TLE3: variants seen among roughly 807,000 people sequenced by gnomAD.
TLE3 encodes the protein transducin-like enhancer protein 3.
Under a neutral mutation model 93.0 loss-of-function variants are expected in TLE3, and 14 were observed. The ratio of observed to expected loss-of-function variants is 0.15; its 90% CI spans 0.10 to 0.24. The LOEUF (loss-of-function observed/expected upper bound fraction) is 0.24, where lower values mean the gene tolerates loss of function less well. Among genes scored for constraint, TLE3 ranks in the 10% least tolerant of loss-of-function variants. The pLI, the probability that TLE3 is intolerant of heterozygous loss-of-function variation, is 1.00. For synonymous variants in TLE3, 451 were observed against 425.0 expected, an observed-to-expected ratio of 1.06 and a Z score of -0.75; for missense variants, 693 against 1,046.6, an observed-to-expected ratio of 0.66 and a Z score of 4.66.
intron 7 of TLE3, among the ~76,000 whole-genome samples, chr15:70,065,595 C>G (rs2056763942): frequency 6.6e-6 from 1 of 152,212 alleles, no homozygotes; most frequent in African/African-American, 2.4e-5. Context: ...AAGACATTTT[C>G]CAGGGGTAGG....
intron 3 of TLE3, 40 bp from the exon 4 acceptor site, chr15:70,094,616 A>G: frequency 1.4e-6 from 2 of 1,422,028 alleles, no homozygotes; most frequent in Non-Finnish European, 1.9e-6. Context: ...ACAACACAGA[A>G]ATCTGGTCAT....
intron 6 of TLE3, among the ~76,000 whole-genome samples, chr15:70,073,853 C>A (rs1010641713): frequency 2.6e-5 from 4 of 152,212 alleles, no homozygotes; most frequent in African/African-American, 9.6e-5. Context: ...AAGATACAAG[C>A]CAGGTAGACC....
At position 70,096,237 on chromosome 15, in the gene TLE3, C is replaced by T; in HGVS notation, c.49G>A (p.Gly17Arg). ...GACTCAGCCACCGTGAATTTAAATC[C>T]CGGCTGCCCGGGTTGATGGGGAGCC... Reference protein sequence around the residue: ...HPAPHQPGQPGFKFTVAESCD... With the variant: ...HPAPHQPGQPRFKFTVAESCD... The change falls in exon 2 of 20, where the codon GGA (glycine) becomes AGA (arginine). Residue 17 changes from glycine to arginine, a missense_variant. Gly to Arg is a moderately radical substitution (Grantham distance 125). Around this residue, in one of 4 missense-constraint regions of TLE3, gnomAD observed 31 missense variants for 24.0 expected, o/e 1.29. Coordinates refer to ENST00000451782, the MANE Select transcript of TLE3 (RefSeq NM_001105192.3). The T allele has an allele frequency of 6.4e-7, 1 of 1,555,966 alleles. No individual in the cohort carries two copies. Among genetic ancestry groups the T allele is most frequent in the East Asian group, 2.4e-5 (1 of 41,312 alleles).
At chr15:70,094,903 C>T (rs1247013793) in intron 3 of TLE3, 1 of 273,300 alleles carries the variant, frequency 3.7e-6, no homozygotes, top group Non-Finnish European at 6.9e-6. Flanking sequence ...ACCCTCTTGT[C>T]CTCTGAGAGT....
In TLE3 at chr15:70,050,056, C is replaced by A. The variant is rs747847827; in HGVS notation, c.*41G>T. 1 of 1,561,786 alleles carries A rather than the reference C, an allele frequency of 6.4e-7. No homozygotes were observed. The highest frequency in any genetic ancestry group is 1.1e-5 in the South Asian group (1 of 89,908). On this transcript the variant is annotated 3_prime_UTR_variant, in exon 20 of 20. Coordinates refer to ENST00000451782, the MANE Select transcript of TLE3 (RefSeq NM_001105192.3). The stretch of plus-strand genomic sequence containing the variant: ...GGGGGTCTCCCTGTCAGAGCCGAGT[C>A]GGTTTCTCCCAGAGTTTGACAGCCC...
intron 3 of TLE3, 154 bp downstream of exon 3, chr15:70,095,424 G>T (rs1292998163): frequency 2.0e-6 from 3 of 1,502,226 alleles, no homozygotes; most frequent in Non-Finnish European, 2.7e-6. Flanking sequence ...GGAAGCTGGG[G>T]AAGGGGAGGG....
At chr15:70,061,600 A>G (rs1387428940) in intron 8 of TLE3, among the ~76,000 whole-genome samples, 2 of 152,124 alleles carry the variant, frequency 1.3e-5, no homozygotes, top group East Asian at 1.9e-4. Context: ...GCAACTGGCA[A>G]GGGCACCTGC....
chr15:70,058,166 G>T lies in TLE3; in HGVS notation c.1044C>A (p.Asp348Glu). 3 of 1,614,000 alleles carry T rather than the reference G, an allele frequency of 1.9e-6. No homozygotes were observed. Among genetic ancestry groups the T allele is most frequent in the Non-Finnish European group, 2.5e-6 (3 of 1,179,880 alleles). ...GGTGCCTACCCATTATACCTATCGG[G>T]TCCATGCCCGGAGGTTTACCCGGCA... ...RSMPGKPPGM[D>E]PIASALRTPI... The change falls in exon 12 of 20, where the codon GAC becomes GAA. Residue 348 changes from aspartate (D) to glutamate (E), a missense_variant. Around this residue, in one of 4 missense-constraint regions of TLE3, gnomAD observed 405 missense variants for 468.9 expected, o/e 0.86. Transcript: ENST00000451782. This position sits in a 1 kb window ranked among gnomAD's most constrained non-coding sequence, Gnocchi z 4.1.
chr15:70,055,240 C>T lies in TLE3; in HGVS notation c.1387G>A (p.Asp463Asn). The T allele has an allele frequency of 6.2e-7, 1 of 1,611,884 alleles. No homozygotes were observed. The highest frequency in any genetic ancestry group is 8.5e-7 in the Non-Finnish European group (1 of 1,179,096). Residue 463 changes from aspartate to asparagine, a missense_variant, in exon 15 of 20, where the codon GAC (aspartate) becomes AAC (asparagine). By Grantham distance (23) the Asp-to-Asn change is conservative. Coordinates refer to ENST00000451782, the MANE Select transcript of TLE3 (RefSeq NM_001105192.3). ...GGGATGCCGGGGCCTGCCAGGGCGT[C>T]GTGGGGGAAGGGCACGGGCTGCATC... is the stretch of plus-strand genomic sequence containing the variant. The part of the protein sequence containing the change: ...GQMQPVPFPH[D>N]ALAGPGIPRH...
intron 4 of TLE3, among the ~76,000 whole-genome samples, chr15:70,076,693 G>A (rs2057463656): frequency 1.3e-5 from 2 of 152,012 alleles, no homozygotes; most frequent in African/African-American, 4.8e-5. Flanking sequence ...ATGCTACCAG[G>A]CTAAAATCCT....
At chr15:70,088,357 CCCTT>C (rs551238627) in intron 4 of TLE3, among the ~76,000 whole-genome samples, 2 of 152,176 alleles carry the variant, frequency 1.3e-5, no homozygotes, top group Non-Finnish European at 2.9e-5. Context: ...GGACGTTTCC[CCCTT>C]CCTTAAGTTT....
chr15:70,054,344 T>A, intron 16 of TLE3, 94 bp downstream of exon 16: 1 of 1,529,270 alleles, frequency 6.5e-7, no homozygotes, highest in Non-Finnish European at 8.8e-7. Flanking sequence ...CCACAGTGCC[T>A]CAGACAGGGC....
intron 4 of TLE3, among the ~76,000 whole-genome samples, chr15:70,077,703 G>T (rs1346754487): frequency 6.6e-6 from 1 of 152,216 alleles, no homozygotes; most frequent in African/African-American, 2.4e-5. Flanking sequence ...CTACAGTGGG[G>T]GTTCCTGGCA....
At chr15:70,053,935 C>G (rs1285831256) in intron 16 of TLE3, 2 of 158,980 alleles carry the variant, frequency 1.3e-5, no homozygotes, top group Non-Finnish European at 2.8e-5. Flanking sequence ...GCCAGGCACC[C>G]GTCTGCCTTT....
chr15:70,049,989 T>G lies in TLE3; in HGVS notation c.*108A>C. 4 of 894,412 alleles carry G rather than the reference T, an allele frequency of 4.5e-6. No individual in the cohort carries two copies. The highest frequency in any genetic ancestry group is 7.2e-6 in the Non-Finnish European group (4 of 552,056). 55.4% of individuals were successfully genotyped at this position (894,412 alleles called of 1,614,324 possible). A position where few individuals can be genotyped will look rare whatever the true frequency, so the allele number is the denominator to read the frequency against. ...CGGAGCGCAGCCCTGAACGCTCGGC[T>G]GCCTGCGGCCCATCCTCCGCCATCC... On this transcript the variant is annotated 3_prime_UTR_variant, in exon 20 of 20. Transcript: ENST00000451782.
chr15:70,092,899 A>T (rs893602260), intron 4 of TLE3, among the ~76,000 whole-genome samples: 1 of 152,186 alleles, frequency 6.6e-6, no homozygotes, highest in Non-Finnish European at 1.5e-5. Flanking sequence ...GCTGCTATAA[A>T]TTTTAAACCT....
At chr15:70,069,391 G>A (rs1333426989) in intron 6 of TLE3, among the ~76,000 whole-genome samples, 1 of 152,204 alleles carries the variant, frequency 6.6e-6, no homozygotes, top group Non-Finnish European at 1.5e-5. Context: ...CAGAAACTTG[G>A]AACAAAGGCA....
chr15:70,084,338 G>A (rs1010023023), intron 4 of TLE3, among the ~76,000 whole-genome samples: 6 of 152,246 alleles, frequency 3.9e-5, no homozygotes, highest in Non-Finnish European at 5.9e-5. Flanking sequence ...CTAGTGGGTA[G>A]AGATTAGAAA....
rs570959392 is a variant in TLE3 at position 70,050,832 on chromosome 15, G to A, written c.2202+559C>T. ...TGCGTGAGTAAATGAGTGTGAGTTT[G>A]ATCGTGTATGGGAAAGAGTGCACGT... On this transcript the variant is annotated intron_variant, in intron 19 of 19. Coordinates refer to ENST00000451782, the MANE Select transcript of TLE3 (RefSeq NM_001105192.3). 3.2e-5 allele frequency: 5 copies of A among 157,098 alleles called. No individual in the cohort carries two copies. The East Asian group carries it at 9.4e-4, about 30-fold the overall frequency. 9.7% of individuals were successfully genotyped at this position (157,098 alleles called of 1,614,324 possible).
Sources: allele counts gnomAD v4.1 joint callset (sites outside exome capture counted in the v4.1 genomes callset), GRCh38; gene constraint gnomAD v4.1.1; regional missense constraint gnomAD v4.1.1; non-coding constraint Gnocchi (gnomAD v3.1); transcripts MANE v1.5; gene names NCBI Gene and HGNC (gene_info 2026-07-23, HGNC 2026-07-21).